The following PER2 variants were observed in gnomAD, a reference collection of about 807,000 sequenced individuals.
PER2 encodes the protein period circadian regulator 2, also known as period circadian protein homolog 2.
PER2 carries 66 observed loss-of-function variants against 121.0 expected under a neutral mutation model. That is an observed-to-expected ratio of 0.55 (90% CI 0.45 to 0.67). PER2 has a LOEUF of 0.67. PER2 is among the 30% of genes least tolerant of loss of function. The probability of loss-of-function intolerance (pLI) is 0.00; values close to 1 mark genes in which losing one functional copy is unlikely to be tolerated. For missense variants in PER2, 1,521 were observed against 1,635.0 expected, an observed-to-expected ratio of 0.93 and a Z score of 1.20; for synonymous variants, 684 against 659.9, an observed-to-expected ratio of 1.04 and a Z score of -0.56.
In PER2 at chr2:238,273,210, T is replaced by A. The variant is rs1559333409; in HGVS notation, c.449-19A>T. ...TCATTGGCTGCAGGAGAGACAGTGTTCACTCAGTGGGCAGAACCCAGCGCT... is the reference window on the plus strand; with the variant it reads ...TCATTGGCTGCAGGAGAGACAGTGTACACTCAGTGGGCAGAACCCAGCGCT... On this transcript the variant is annotated intron_variant, in intron 4 of 22. Transcript: ENST00000254657. 2.5e-6 allele frequency: 4 copies of A among 1,611,942 alleles called. No homozygotes were observed. Among genetic ancestry groups the A allele is most frequent in the Non-Finnish European group, 3.4e-6 (4 of 1,179,256 alleles).
intron 4 of PER2, among the ~76,000 whole-genome samples, chr2:238,274,737 G>A (rs1696400495): frequency 6.6e-6 from 1 of 152,204 alleles, no homozygotes; most frequent in Non-Finnish European, 1.5e-5. Flanking sequence ...CAGGGGCACC[G>A]GATTTCCATG....
At chr2:238,277,282 AGAT>A (rs1455483677) in intron 2 of PER2, 89 bp from the exon 3 acceptor site, 5 of 872,286 alleles carry the variant, frequency 5.7e-6, no homozygotes, top group Non-Finnish European at 7.9e-6. Context: ...ATAACAGGCT[AGAT>A]AATACCATGG....
upstream of PER2, among the ~76,000 whole-genome samples, chr2:238,294,356 C>T (rs545153342): frequency 7.9e-5 from 12 of 152,270 alleles, no homozygotes; most frequent in African/African-American, 2.2e-4. Context: ...GAGTCAGGAA[C>T]GGGGGCCTTG....
chr2:238,263,164 C>T, intron 9 of PER2, 106 bp from the exon 10 acceptor site: 1 of 733,012 alleles, frequency 1.4e-6, no homozygotes, highest in Non-Finnish European at 2.4e-6. Context: ...CTCCAAACCC[C>T]ACCCCCTCCC....
At position 238,275,889 on chromosome 2, in the gene PER2, T is replaced by C; in HGVS notation, c.302A>G (p.Gln101Arg). 6.2e-7 allele frequency: 1 copy of C among 1,614,248 alleles called. No homozygotes were observed. The change falls in exon 4 of 23, where the codon CAG (glutamine) becomes CGG (arginine). Residue 101 changes from glutamine (Q) to arginine (R), a missense_variant. Coordinates refer to ENST00000254657, the MANE Select transcript of PER2 (RefSeq NM_022817.3). ...NPSTSGCSSDQSSKVDTHKEL... is the reference protein window; with the variant it reads ...NPSTSGCSSDRSSKVDTHKEL... ...TTTGTGTGTGTCCACTTTCGAAGACTGGTCGCTACTGCAGGATTCAAGAAA... is the reference window on the plus strand; with the variant it reads ...TTTGTGTGTGTCCACTTTCGAAGACCGGTCGCTACTGCAGGATTCAAGAAA...
Position 238,258,546 on chromosome 2 carries a change from G to T in PER2, c.1726C>A (p.Gln576Lys), listed in dbSNP as rs752686361. Residue 576 changes from glutamine to lysine, a missense_variant, in exon 15 of 23, where the codon CAG becomes AAG. Transcript: ENST00000254657. ...SFPEELACKNQPTCSYQQISC... is the reference protein window; with the variant it reads ...SFPEELACKNKPTCSYQQISC... ...ATCTGCTGGTAGGAGCAGGTGGGCTGGTTCTTGCAGGCCAACTCCTCGGGG... is the reference window on the plus strand; with the variant it reads ...ATCTGCTGGTAGGAGCAGGTGGGCTTGTTCTTGCAGGCCAACTCCTCGGGG... 2 of 1,614,024 alleles carry T rather than the reference G, an allele frequency of 1.2e-6. No individual in the cohort carries two copies. Among genetic ancestry groups the T allele is most frequent in the Non-Finnish European group, 1.7e-6 (2 of 1,180,016 alleles).
chr2:238,273,355 A>T (rs938595055), intron 4 of PER2, among the ~76,000 whole-genome samples, 164 bp from the exon 5 acceptor site: 4 of 152,242 alleles, frequency 2.6e-5, no homozygotes, highest in Non-Finnish European at 4.4e-5. Context: ...AAGGCAAAAC[A>T]AACTCACAGA....
chr2:238,273,120 T>A lies in PER2; in HGVS notation c.520A>T (p.Thr174Ser). 6.2e-7 allele frequency: 1 copy of A among 1,610,594 alleles called. No homozygotes were observed. The highest frequency in any genetic ancestry group is 8.5e-7 in the Non-Finnish European group (1 of 1,176,768). ...HPCGADVPSYTVEEMESVTSE... is the reference protein window; with the variant it reads ...HPCGADVPSYSVEEMESVTSE... Reference sequence around the variant, plus strand: ...GTAACGCTCTCCATCTCCTCCACGGTGTAGGAGGGCACGTCTGCTCCACAG... The same window carrying A: ...GTAACGCTCTCCATCTCCTCCACGGAGTAGGAGGGCACGTCTGCTCCACAG... Residue 174 changes from threonine (T) to serine (S), a missense_variant, in exon 5 of 23, where the codon ACC becomes TCC. Transcript: ENST00000254657.
Position 238,246,440 on chromosome 2 carries a change from C to T in PER2, c.3703G>A (p.Val1235Met). 6.2e-7 allele frequency: 1 copy of T among 1,610,864 alleles called. No homozygotes were observed. The highest frequency in any genetic ancestry group is 8.5e-7 in the Non-Finnish European group (1 of 1,177,110). The change falls in exon 23 of 23, where the codon GTG (valine) becomes ATG (methionine). Residue 1235 changes from valine to methionine, a missense_variant. Physicochemically the swap from Val to Met is conservative, Grantham distance 21 (BLOSUM62 1). Transcript: ENST00000254657. The stretch of plus-strand genomic sequence containing the variant: ...TTTTCGTCTTCTTTGGTGTCCGACA[C>T]TTCGCTGAGTCCCAGAGAAGGAATA... ...EDIPSLGLSE[V>M]SDTKEDENGS...
chr2:238,297,250 T>A, the PER2 span, among the ~76,000 whole-genome samples: 7 of 152,120 alleles, frequency 4.6e-5, no homozygotes, highest in East Asian at 1.2e-3. Context: ...GGAAAGGGGC[T>A]CTCGGGAGGA....
At chr2:238,257,265 TAGA>T (rs1478823660) in intron 16 of PER2, among the ~76,000 whole-genome samples, 179 bp from the exon 17 acceptor site, 3 of 152,324 alleles carry the variant, frequency 2.0e-5, no homozygotes, top group East Asian at 3.9e-4. Context: ...TGTTTATTCA[TAGA>T]AGAATAGTGG....
At chr2:238,278,080 C>CTCTCTGTG in intron 1 of PER2, 125 bp from the exon 2 acceptor site, 7 of 974,370 alleles carry the variant, frequency 7.2e-6, no homozygotes, top group Non-Finnish European at 1.1e-5. Context: ...TTTCTTTCTT[C>CTCTCTGTG]TCTCTGTCTC....
chr2:238,296,702 C>T, the PER2 span, among the ~76,000 whole-genome samples: 4 of 151,740 alleles, frequency 2.6e-5, no homozygotes, highest in Admixed American at 6.6e-5. Context: ...AGTTGTGTGC[C>T]CTGTGACCAC....
In PER2 at chr2:238,273,962, G is replaced by A. The variant is rs552091220; in HGVS notation, c.449-771C>T. Among the ~76,000 whole-genome samples, 71 of 152,230 alleles carry A rather than the reference G, an allele frequency of 4.7e-4. No homozygotes were observed. The East Asian group carries it at 0.011, about 23-fold the overall frequency. On this transcript the variant is annotated intron_variant, in intron 4 of 22. Transcript: ENST00000254657. The stretch of plus-strand genomic sequence containing the variant: ...ATTACAGGCGTGAGCCACCGCGCCC[G>A]GCCCCTAGAAAGTCTTTAATCATGA...
At chr2:238,270,055 G>A (rs1696237219) in intron 6 of PER2, among the ~76,000 whole-genome samples, 1 of 152,142 alleles carries the variant, frequency 6.6e-6, no homozygotes, top group African/African-American at 2.4e-5. Context: ...CAACATGCAT[G>A]GCCTCTGTTC....
At chr2:238,262,128 T>C in intron 11 of PER2, 63 bp downstream of exon 11, 1 of 1,489,960 alleles carries the variant, frequency 6.7e-7, no homozygotes, top group African/African-American at 1.4e-5. Flanking sequence ...TGCTGGGAGG[T>C]GAGGACAGCC....
chr2:238,280,802 G>C lies in PER2; in HGVS notation c.-19-2847C>G, dbSNP rs191981922. Among the ~76,000 whole-genome samples the C allele has an allele frequency of 4.6e-5, 7 of 152,170 alleles. No individual in the cohort carries two copies. In the East Asian group the frequency reaches 1.2e-3, roughly 25 times the overall value. On this transcript the variant is annotated intron_variant, in intron 1 of 22. Transcript: ENST00000254657. The stretch of plus-strand genomic sequence containing the variant: ...ACATAAAGAGAACCATCCTGAACCA[G>C]AGACAGATCTGAATCTGCCAATCAA...
intron 10 of PER2, 41 bp downstream of exon 10, chr2:238,262,911 C>T: frequency 7.2e-7 from 1 of 1,386,136 alleles, no homozygotes; most frequent in Non-Finnish European, 1.0e-6. Context: ...ACAGGAACTT[C>T]CGCCAAACAC....
Position 238,247,922 on chromosome 2 carries a change from ACATCCAGGGTT to A in PER2, c.3618+1129_3618+1139del, listed in dbSNP as rs537716464. Among the ~76,000 whole-genome samples, 9 of 152,348 alleles carry A rather than the reference ACATCCAGGGTT, an allele frequency of 5.9e-5. No homozygotes were observed. In the East Asian group the frequency reaches 1.7e-3, roughly 29 times the overall value. On this transcript the variant is annotated intron_variant, in intron 22 of 22. Coordinates refer to ENST00000254657, the MANE Select transcript of PER2 (RefSeq NM_022817.3). ...TGAGTGCAGCTTCGAGGCCACTCTG[ACATCCAGGGTT>A]CATGCCATGGAAGCATCCTCATGGC...
Sources: gnomAD v4.1 joint callset for allele counts (sites outside exome capture counted in the v4.1 genomes callset) on GRCh38, gnomAD v4.1.1 for gene constraint, MANE v1.5 for transcripts, NCBI Gene and HGNC (gene_info 2026-07-23, HGNC 2026-07-21) for gene names.